MYCT1: variants seen among roughly 807,000 people sequenced by gnomAD.
The protein encoded by MYCT1 is MYC target 1, also known as myc target protein 1.
MYCT1 carries 12 observed loss-of-function variants against 15.0 expected under a neutral mutation model. That is an observed-to-expected ratio of 0.80 (90% CI 0.51 to 1.29). The LOEUF (loss-of-function observed/expected upper bound fraction) is 1.29, where lower values mean the gene tolerates loss of function less well. MYCT1 is among the 50% of genes most tolerant of loss of function. MYCT1 has a pLI of 0.00. For synonymous variants in MYCT1, 104 were observed against 102.7 expected, an observed-to-expected ratio of 1.01 and a Z score of -0.07; for missense variants, 287 against 279.1, an observed-to-expected ratio of 1.03 and a Z score of -0.20.
chr6:152,732,288 A>G, the MYCT1 span, among the ~76,000 whole-genome samples: 1 of 152,342 alleles, frequency 6.6e-6, no homozygotes, highest in Non-Finnish European at 1.5e-5. Context: ...CTGGTCTTAA[A>G]GCTAAAATAA....
the MYCT1 span, among the ~76,000 whole-genome samples, chr6:152,743,170 A>C: frequency 6.6e-6 from 1 of 152,118 alleles, no homozygotes; most frequent in African/African-American, 2.4e-5. Flanking sequence ...ATTCTGCTTA[A>C]TTCTCCTGCC....
chr6:152,715,989 A>T (rs1029477058), intron 1 of MYCT1, among the ~76,000 whole-genome samples: 4 of 152,150 alleles, frequency 2.6e-5, no homozygotes, highest in African/African-American at 9.7e-5. Flanking sequence ...GAAGATTGAT[A>T]TGATTTGACT....
At chr6:152,727,645 T>C (rs2099725899), downstream of MYCT1, among the ~76,000 whole-genome samples, 1 of 152,010 alleles carries the variant, frequency 6.6e-6, no homozygotes, top group Admixed American at 6.5e-5. Flanking sequence ...TTTTGTAAGG[T>C]ATGTTGGGGA....
At chr6:152,734,261 A>G in the MYCT1 span, among the ~76,000 whole-genome samples, 1 of 152,168 alleles carries the variant, frequency 6.6e-6, no homozygotes, top group Non-Finnish European at 1.5e-5. Context: ...CTCAGTTTTA[A>G]AACAGGAACT....
At chr6:152,724,799 T>C (rs1188004981), downstream of MYCT1, among the ~76,000 whole-genome samples, 2 of 151,978 alleles carry the variant, frequency 1.3e-5, no homozygotes, top group African/African-American at 4.8e-5. Context: ...CAAATCCTTT[T>C]TCATATAAAA....
chr6:152,702,171 C>T (rs577114185), intron 1 of MYCT1, among the ~76,000 whole-genome samples: 1 of 152,268 alleles, frequency 6.6e-6, no homozygotes, highest in East Asian at 1.9e-4. Context: ...TTCTCTTTGT[C>T]TCCCCAAAGC....
chr6:152,717,875 G>T (rs7754412), intron 1 of MYCT1, among the ~76,000 whole-genome samples: 11,318 of 151,958 alleles, frequency 0.074, 711 homozygotes, highest in East Asian at 0.17. Context: ...TTTGTAATTT[G>T]TATAATTTCC....
the MYCT1 span, among the ~76,000 whole-genome samples, chr6:152,741,691 A>C: frequency 1.3e-5 from 2 of 152,196 alleles, no homozygotes; most frequent in African/African-American, 4.8e-5. Flanking sequence ...TCTGTTGTGA[A>C]GTTACACTAT....
the MYCT1 span, among the ~76,000 whole-genome samples, chr6:152,733,227 C>T: frequency 6.6e-6 from 1 of 151,988 alleles, no homozygotes; most frequent in Admixed American, 6.6e-5. Context: ...CATCAGCCTC[C>T]AGAGAGGCTG....
chr6:152,715,722 G>T (rs1322145218), intron 1 of MYCT1, among the ~76,000 whole-genome samples: 2 of 152,120 alleles, frequency 1.3e-5, no homozygotes, highest in Admixed American at 6.6e-5. Context: ...ATAAGCAAAA[G>T]ACCTGAAATT....
rs2099724863 is a variant in MYCT1 at position 152,722,324 on chromosome 6, A to C, written c.*71A>C. On this transcript the variant is annotated 3_prime_UTR_variant, in exon 2 of 2. Transcript: ENST00000367245. ...TTGAAAGGAAATCAAAAATAGGCTA[A>C]ACAGAATTTTGAGGGCATGGCCCAA... 3.4e-6 allele frequency: 5 copies of C among 1,488,072 alleles called. No individual in the cohort carries two copies. Among genetic ancestry groups the C allele is most frequent in the Admixed American group, 4.5e-5 (2 of 44,470 alleles). The allele number at this position is 1,488,072 out of a possible 1,614,324, so 92.2% of individuals were successfully genotyped here. A position where few individuals can be genotyped will look rare whatever the true frequency, so the allele number is the denominator to read the frequency against.
chr6:152,725,283 C>T (rs2099725458), downstream of MYCT1, among the ~76,000 whole-genome samples: 1 of 152,076 alleles, frequency 6.6e-6, no homozygotes, highest in African/African-American at 2.4e-5. Context: ...ATGGAAAATA[C>T]TCAGTTGTAA....
downstream of MYCT1, among the ~76,000 whole-genome samples, chr6:152,728,183 A>G (rs1332062670): frequency 6.6e-6 from 1 of 151,978 alleles, no homozygotes; most frequent in East Asian, 1.9e-4. Flanking sequence ...AAAAAAGGAA[A>G]AAGCAGGCTT....
chr6:152,736,941 G>T, the MYCT1 span, among the ~76,000 whole-genome samples: 13 of 152,140 alleles, frequency 8.5e-5, no homozygotes, highest in Admixed American at 6.6e-4. Context: ...TCCTAGGAAA[G>T]ATATAGATCT....
the MYCT1 span, among the ~76,000 whole-genome samples, chr6:152,745,229 G>A: frequency 6.6e-6 from 1 of 152,130 alleles, no homozygotes; most frequent in Non-Finnish European, 1.5e-5. Context: ...ACAATTCAAG[G>A]CCATTGTAAA....
chr6:152,744,713 G>A, the MYCT1 span, among the ~76,000 whole-genome samples: 8 of 152,214 alleles, frequency 5.3e-5, no homozygotes, highest in Admixed American at 3.3e-4. Flanking sequence ...CAACCAGCAC[G>A]TCTCTTTTGC....
chr6:152,742,475 T>C, the MYCT1 span, among the ~76,000 whole-genome samples: 2 of 152,256 alleles, frequency 1.3e-5, no homozygotes, highest in African/African-American at 4.8e-5. Context: ...AATAGCGTGA[T>C]CCAGGCTTGC....
At chr6:152,706,847 A>ATG (rs4034690) in intron 1 of MYCT1, among the ~76,000 whole-genome samples, 13,440 of 148,220 alleles carry the variant, frequency 0.091, 982 homozygotes, top group East Asian at 0.21. Context: ...GAAACCATAT[A>ATG]TGTGTGTGTG....
Position 152,704,877 on chromosome 6 carries a change from A to G in MYCT1, c.196+6779A>G, listed in dbSNP as rs564130572. Among the ~76,000 whole-genome samples the G allele has an allele frequency of 3.9e-5, 6 of 152,278 alleles. No individual in the cohort carries two copies. The East Asian group carries it at 9.6e-4, about 24-fold the overall frequency. On this transcript the variant is annotated intron_variant, in intron 1 of 1. Coordinates refer to ENST00000367245, the MANE Select transcript of MYCT1 (RefSeq NM_025107.3). ...TTATTTTTGGTGGTAAGAACATCTA[A>G]GACCTACTTTTTTGGCCAATTTCAA...
Sources: gnomAD v4.1 joint callset for allele counts (sites outside exome capture counted in the v4.1 genomes callset) on GRCh38, gnomAD v4.1.1 for gene constraint, MANE v1.5 for transcripts, NCBI Gene and HGNC (gene_info 2026-07-23, HGNC 2026-07-21) for gene names.